Variants in ETV6 observed in about 807,000 individuals in gnomAD.
The protein encoded by ETV6 is transcription factor ETV6.
ETV6 carries 16 observed loss-of-function variants against 51.1 expected under a neutral mutation model. The observed-to-expected ratio is 0.31, with a 90% CI of 0.21 to 0.48. The LOEUF (loss-of-function observed/expected upper bound fraction) is 0.48. Ranked by LOEUF, ETV6 falls within the 20% of genes least tolerant of loss-of-function variation. The probability of loss-of-function intolerance (pLI) is 0.99; values close to 1 mark genes in which losing one functional copy is unlikely to be tolerated. For synonymous variants in ETV6, 240 were observed against 224.1 expected (o/e 1.07, Z -0.64); for missense variants, 458 against 594.8 (o/e 0.77, Z 2.39).
chr12:11,835,530 C>T (rs909967347), intron 2 of ETV6, among the ~76,000 whole-genome samples: 2 of 152,204 alleles, frequency 1.3e-5, no homozygotes, highest in Non-Finnish European at 1.5e-5. Context: ...CTCTCAAGAC[C>T]AAGCACCCAT....
At chr12:11,888,338 A>C (rs1591752764) in intron 7 of ETV6, among the ~76,000 whole-genome samples, 1 of 147,880 alleles carries the variant, frequency 6.8e-6, no homozygotes, top group Admixed American at 6.7e-5. Context: ...TTCCATCATC[A>C]CCTGGGTTTC....
chr12:11,654,526 G>C (rs1455268826), intron 1 of ETV6, among the ~76,000 whole-genome samples: 1 of 152,140 alleles, frequency 6.6e-6, no homozygotes, highest in Non-Finnish European at 1.5e-5. Context: ...GCACTTCCTA[G>C]CTTGGTCCAT....
At chr12:11,865,659 A>AT (rs1946781413) in intron 4 of ETV6, among the ~76,000 whole-genome samples, 1 of 148,458 alleles carries the variant, frequency 6.7e-6, no homozygotes, top group South Asian at 2.1e-4. Flanking sequence ...TATATACTAT[A>AT]TATCATATAT....
chr12:11,775,912 T>C (rs1014018739), intron 2 of ETV6, among the ~76,000 whole-genome samples: 1 of 152,240 alleles, frequency 6.6e-6, no homozygotes, highest in Non-Finnish European at 1.5e-5. Context: ...CATGTGGCTC[T>C]TTGGGTCTGT....
chr12:11,883,027 G>A (rs1041652131), intron 5 of ETV6, among the ~76,000 whole-genome samples: 18 of 152,204 alleles, frequency 1.2e-4, no homozygotes, highest in Non-Finnish European at 2.9e-5. Flanking sequence ...TAATTCAGTA[G>A]TTGATCTTCC....
chr12:11,766,710 C>T (rs531378344), intron 2 of ETV6, among the ~76,000 whole-genome samples: 1 of 151,922 alleles, frequency 6.6e-6, no homozygotes, highest in African/African-American at 2.4e-5. Context: ...GAAATGACCT[C>T]TTTCCTTCCC....
At chr12:11,877,375 G>C (rs557285846) in intron 5 of ETV6, among the ~76,000 whole-genome samples, 68 of 151,966 alleles carry the variant, frequency 4.5e-4, no homozygotes, top group African/African-American at 1.5e-3. Context: ...TCGTAAAAGA[G>C]AAGTGTGAAG....
chr12:11,662,730 C>T (rs1864122408), intron 1 of ETV6, among the ~76,000 whole-genome samples: 1 of 152,166 alleles, frequency 6.6e-6, no homozygotes, highest in East Asian at 1.9e-4. Context: ...TGGGAAAACC[C>T]AGTTACTCTT....
chr12:11,781,879 G>C (rs1945419734), intron 2 of ETV6, among the ~76,000 whole-genome samples: 1 of 152,160 alleles, frequency 6.6e-6, no homozygotes, highest in Non-Finnish European at 1.5e-5. Flanking sequence ...GAAAAAGATT[G>C]AATGGGACGG....
chr12:11,669,487 G>A (rs181621914), intron 1 of ETV6, among the ~76,000 whole-genome samples: 41 of 147,062 alleles, frequency 2.8e-4, no homozygotes, highest in African/African-American at 9.9e-4. Flanking sequence ...TTGAGGCCTC[G>A]GCTGTGCTGC....
At chr12:11,788,114 G>A (rs1329964627) in intron 2 of ETV6, among the ~76,000 whole-genome samples, 1 of 152,158 alleles carries the variant, frequency 6.6e-6, no homozygotes, top group Non-Finnish European at 1.5e-5. Flanking sequence ...AAAAGATTAA[G>A]CCTAAGAATA....
intron 1 of ETV6, chr12:11,751,702 C>G (rs1333548000): frequency 2.7e-6 from 1 of 376,508 alleles, no homozygotes; most frequent in Admixed American, 3.3e-5. Context: ...GATAAGGGGT[C>G]AAACAGTACT....
chr12:11,760,221 G>A (rs1467268412), intron 2 of ETV6, among the ~76,000 whole-genome samples: 1 of 152,144 alleles, frequency 6.6e-6, no homozygotes, highest in Non-Finnish European at 1.5e-5. Context: ...CTCCATCTTG[G>A]GTGTGTGGAC....
At chr12:11,733,437 CCACTT>C (rs1865641624) in intron 1 of ETV6, among the ~76,000 whole-genome samples, 1 of 139,692 alleles carries the variant, frequency 7.2e-6, no homozygotes, top group South Asian at 2.3e-4. Context: ...AAAAAATTAA[CCACTT>C]CATTCTTCTT....
At chr12:11,834,743 G>A (rs1047117773) in intron 2 of ETV6, among the ~76,000 whole-genome samples, 1 of 152,218 alleles carries the variant, frequency 6.6e-6, no homozygotes, top group East Asian at 1.9e-4. Flanking sequence ...TCATGGCCAT[G>A]GGCATGGAGT....
At chr12:11,837,997 T>C (rs1285152647) in intron 2 of ETV6, among the ~76,000 whole-genome samples, 1 of 152,234 alleles carries the variant, frequency 6.6e-6, no homozygotes, top group East Asian at 1.9e-4. Context: ...AACTCTATAT[T>C]AATGCAAACA....
At chr12:11,713,043 G>A (rs536820338) in intron 1 of ETV6, among the ~76,000 whole-genome samples, 5 of 152,190 alleles carry the variant, frequency 3.3e-5, no homozygotes, top group South Asian at 2.1e-4. Flanking sequence ...GGAGCCACAC[G>A]TGAAGTGAGA....
chr12:11,754,554 G>T (rs1944978739), intron 2 of ETV6, among the ~76,000 whole-genome samples: 1 of 152,232 alleles, frequency 6.6e-6, no homozygotes, highest in Non-Finnish European at 1.5e-5. Flanking sequence ...TAGTTCTGCT[G>T]TTCGACTGTG....
At chr12:11,705,274 T>A (rs1482164390) in intron 1 of ETV6, among the ~76,000 whole-genome samples, 1 of 152,202 alleles carries the variant, frequency 6.6e-6, no homozygotes, top group African/African-American at 2.4e-5. Context: ...CAATTCAGGA[T>A]GATTTGCCAC....
Sources: gnomAD v4.1 joint callset for allele counts (sites outside exome capture counted in the v4.1 genomes callset) on GRCh38, gnomAD v4.1.1 for gene constraint, MANE v1.5 for transcripts, NCBI Gene and HGNC (gene_info 2026-07-23, HGNC 2026-07-21) for gene names.